ACVR1C: variants seen among roughly 807,000 people sequenced by gnomAD.
The protein encoded by ACVR1C is activin A receptor type 1C, also known as activin receptor type-1C.
A neutral mutation model predicts 57.9 loss-of-function variants in ACVR1C; 23 were observed. The observed-to-expected ratio is 0.40, with a 90% CI of 0.29 to 0.56. The LOEUF (loss-of-function observed/expected upper bound fraction) is 0.56, where lower values mean the gene tolerates loss of function less well. ACVR1C is among the 20% of genes least tolerant of loss of function. The pLI is 0.50. For synonymous variants in ACVR1C, 214 were observed against 215.3 expected (o/e 0.99, Z 0.05); for missense variants, 480 against 607.9 (o/e 0.79, Z 2.21).
chr2:157,572,343 G>T (rs1323364005), intron 2 of ACVR1C, among the ~76,000 whole-genome samples: 2 of 141,308 alleles, frequency 1.4e-5, no homozygotes, highest in African/African-American at 2.7e-5. Context: ...ATGTGCACAT[G>T]TACCCCAAAA....
At chr2:157,599,961 G>C (rs1682243995) in intron 1 of ACVR1C, among the ~76,000 whole-genome samples, 1 of 152,150 alleles carries the variant, frequency 6.6e-6, no homozygotes, top group African/African-American at 2.4e-5. Context: ...GTGTTCAACT[G>C]ATCTGTTTAA....
rs756367233 is a variant in ACVR1C at position 157,544,663 on chromosome 2, C to A, written c.776-51G>T. 9 of 1,479,168 alleles carry A rather than the reference C, an allele frequency of 6.1e-6. No homozygotes were observed. In the East Asian group the frequency reaches 1.8e-4, roughly 30 times the overall value. The allele number at this position is 1,479,168 out of a possible 1,614,324, so 91.6% of individuals were successfully genotyped here. A position where few individuals can be genotyped will look rare whatever the true frequency, so the allele number is the denominator to read the frequency against. On this transcript the variant is annotated intron_variant, in intron 4 of 8. Transcript: ENST00000243349. ...TTGTAAATACATATTGAGAAAGAAG[C>A]CAAAAGCTTTTAAAAATATCAGTGT... is the stretch of plus-strand genomic sequence containing the variant.
intron 5 of ACVR1C, among the ~76,000 whole-genome samples, 153 bp downstream of exon 5, chr2:157,544,292 C>CA (rs1401641293): frequency 6.7e-6 from 1 of 149,888 alleles, no homozygotes; most frequent in African/African-American, 2.5e-5. Context: ...GTGATCCTCT[C>CA]ACCTAGACTA....
At chr2:157,587,566 C>A (rs1040196234) in intron 1 of ACVR1C, 149 bp from the exon 2 acceptor site, 15 of 613,330 alleles carry the variant, frequency 2.4e-5, no homozygotes, top group Non-Finnish European at 3.7e-5. Context: ...AGCAATTACT[C>A]CCTCTCCATC....
Position 157,611,811 on chromosome 2 carries a change from G to T in ACVR1C, c.73+16761C>A, listed in dbSNP as rs1022698003. On this transcript the variant is annotated intron_variant, in intron 1 of 8. Coordinates refer to ENST00000243349, the MANE Select transcript of ACVR1C (RefSeq NM_145259.3). ...TGGGCAGGGAGATCCAGATTCTCAG[G>T]CAGCATGCTTGGGCTCTGTGGTTGT... 2.0e-5 allele frequency among the ~76,000 whole-genome samples: 3 copies of T among 152,116 alleles called. No homozygotes were observed. The South Asian group carries it at 6.2e-4, about 32-fold the overall frequency.
At chr2:157,550,457 A>T (rs1401841952) in intron 3 of ACVR1C, 65 bp from the exon 4 acceptor site, 1 of 1,438,842 alleles carries the variant, frequency 7.0e-7, no homozygotes, top group Admixed American at 1.9e-5. Context: ...CTCAATAATC[A>T]CTGTTTTCAG....
chr2:157,559,365 A>T (rs1688182620), intron 2 of ACVR1C, among the ~76,000 whole-genome samples: 1 of 152,248 alleles, frequency 6.6e-6, no homozygotes, highest in African/African-American at 2.4e-5. Flanking sequence ...AAACATTTGT[A>T]AAACTATGCT....
chr2:157,556,068 A>T (rs776982142), intron 3 of ACVR1C, 25 bp downstream of exon 3: 11 of 1,583,818 alleles, frequency 6.9e-6, no homozygotes, highest in Non-Finnish European at 9.4e-6. Context: ...TTCTTATTTT[A>T]AAAAAATGGA....
chr2:157,585,537 C>G (rs1298294716), intron 2 of ACVR1C, among the ~76,000 whole-genome samples: 1 of 152,036 alleles, frequency 6.6e-6, no homozygotes, highest in African/African-American at 2.4e-5. Flanking sequence ...CCTCTAATAC[C>G]TTTTGTTATA....
At chr2:157,537,776 T>C (rs533596097) in intron 8 of ACVR1C, among the ~76,000 whole-genome samples, 1 of 152,328 alleles carries the variant, frequency 6.6e-6, no homozygotes, top group Admixed American at 6.5e-5. Flanking sequence ...TTAGAGTCTT[T>C]TTCCCACCTT....
intron 2 of ACVR1C, among the ~76,000 whole-genome samples, chr2:157,557,493 C>G (rs1480712575): frequency 6.6e-6 from 1 of 152,076 alleles, no homozygotes; most frequent in Non-Finnish European, 1.5e-5. Flanking sequence ...GCTCTGATCA[C>G]CACCTGACAC....
intron 3 of ACVR1C, among the ~76,000 whole-genome samples, chr2:157,554,766 T>G (rs1451847304): frequency 1.3e-5 from 2 of 152,206 alleles, no homozygotes; most frequent in African/African-American, 4.8e-5. Flanking sequence ...CGAAAGCCAT[T>G]GGCAAGGGAG....
At chr2:157,584,925 C>T (rs1280822371) in intron 2 of ACVR1C, among the ~76,000 whole-genome samples, 1 of 152,118 alleles carries the variant, frequency 6.6e-6, no homozygotes, top group East Asian at 1.9e-4. Context: ...TACTGATAAA[C>T]CCAGCAACAT....
chr2:157,544,066 T>A (rs1687683140), intron 5 of ACVR1C, among the ~76,000 whole-genome samples: 1 of 142,922 alleles, frequency 7.0e-6, no homozygotes. Flanking sequence ...TGAGACAGGG[T>A]CTCGTTCTGT....
intron 3 of ACVR1C, among the ~76,000 whole-genome samples, chr2:157,552,115 G>A (rs896433265): frequency 2.0e-5 from 3 of 152,192 alleles, no homozygotes; most frequent in African/African-American, 2.4e-5. Flanking sequence ...GACTGTTTTT[G>A]TTTGTTGGTT....
At chr2:157,586,322 G>A (rs536792197) in intron 2 of ACVR1C, among the ~76,000 whole-genome samples, 1 of 152,036 alleles carries the variant, frequency 6.6e-6, no homozygotes, top group East Asian at 1.9e-4. Flanking sequence ...TACTTTAGTG[G>A]TATACTGATA....
chr2:157,547,336 A>T (rs1271937729), intron 4 of ACVR1C, among the ~76,000 whole-genome samples: 9 of 83,632 alleles, frequency 1.1e-4, no homozygotes, highest in Middle Eastern at 9.2e-3. Flanking sequence ...TATACCCAGT[A>T]ATGGGATGGC....
chr2:157,565,907 G>A (rs536858460), intron 2 of ACVR1C, among the ~76,000 whole-genome samples: 55 of 152,152 alleles, frequency 3.6e-4, no homozygotes, highest in South Asian at 4.2e-4. Flanking sequence ...ACATTTTTAC[G>A]CTTTAAAGAA....
chr2:157,546,400 A>G (rs1687756679), intron 4 of ACVR1C, among the ~76,000 whole-genome samples: 1 of 152,254 alleles, frequency 6.6e-6, no homozygotes, highest in African/African-American at 2.4e-5. Flanking sequence ...AATTATGGCC[A>G]AAATGTGTGC....
Sources: gnomAD v4.1 joint callset for allele counts (sites outside exome capture counted in the v4.1 genomes callset) on GRCh38, gnomAD v4.1.1 for gene constraint, MANE v1.5 for transcripts, NCBI Gene and HGNC (gene_info 2026-07-23, HGNC 2026-07-21) for gene names.